BTBD8: variants seen among roughly 807,000 people sequenced by gnomAD.
BTBD8 encodes BTB/POZ domain-containing protein 8.
A neutral mutation model predicts 162.9 loss-of-function variants in BTBD8; 110 were observed. That is an observed-to-expected ratio of 0.68 (90% CI 0.58 to 0.79). The LOEUF is 0.79. Among genes scored for constraint, BTBD8 ranks in the 30% least tolerant of loss-of-function variants. BTBD8 has a pLI of 0.00. For synonymous variants in BTBD8, 667 were observed against 716.1 expected (o/e 0.93, Z 1.10); for missense variants, 1,905 against 2,085.4 (o/e 0.91, Z 1.68).
At chr1:92,154,778 A>C (rs890190722) in intron 9 of BTBD8, among the ~76,000 whole-genome samples, 26 of 152,064 alleles carry the variant, frequency 1.7e-4, no homozygotes, top group African/African-American at 6.0e-4. Flanking sequence ...TTTTAATTTG[A>C]TGTAGTTTCA....
chr1:92,180,054 T>C (rs1407131986), intron 16 of BTBD8, among the ~76,000 whole-genome samples: 1 of 152,132 alleles, frequency 6.6e-6, no homozygotes, highest in African/African-American at 2.4e-5. Context: ...CCTGGAGTAG[T>C]CCCTCTATAT....
chr1:92,182,660 A>C, intron 17 of BTBD8, 65 bp downstream of exon 17: 1 of 1,011,746 alleles, frequency 9.9e-7, no homozygotes, highest in Non-Finnish European at 1.4e-6. Flanking sequence ...TTAAAGTTGT[A>C]TGAAGCCCTG....
chr1:92,127,647 T>C (rs1018173766), intron 4 of BTBD8, among the ~76,000 whole-genome samples: 3 of 152,120 alleles, frequency 2.0e-5, no homozygotes, highest in Admixed American at 6.6e-5. Flanking sequence ...TGATCTCTGC[T>C]CACTGCAACC....
At chr1:92,162,326 C>T (rs1313814303) in intron 9 of BTBD8, among the ~76,000 whole-genome samples, 1 of 152,152 alleles carries the variant, frequency 6.6e-6, no homozygotes, top group African/African-American at 2.4e-5. Flanking sequence ...GCAAACCTGG[C>T]AGTGAAAGAG....
chr1:92,160,437 T>C (rs1227942328), intron 9 of BTBD8, among the ~76,000 whole-genome samples: 1 of 152,176 alleles, frequency 6.6e-6, no homozygotes, highest in Admixed American at 6.5e-5. Context: ...TCTGCACATT[T>C]CTGCCTACAG....
In BTBD8 at chr1:92,093,514, T is replaced by C. The variant is rs1389399350; in HGVS notation, c.347+4619T>C. ...GCCGAAATACCAATTTTAAAGTGTA[T>C]GCTTTTTTCTCCTAGTAGGTGATAG... is the stretch of plus-strand genomic sequence containing the variant. On this transcript the variant is annotated intron_variant, in intron 2 of 17. Coordinates refer to ENST00000636805, the MANE Select transcript of BTBD8 (RefSeq NM_001376131.1). Among the ~76,000 whole-genome samples the C allele has an allele frequency of 2.0e-5, 3 of 152,166 alleles. No individual in the cohort carries two copies. In the East Asian group the frequency reaches 5.8e-4, roughly 29 times the overall value.
chr1:92,162,450 C>A (rs1202923661), intron 9 of BTBD8, among the ~76,000 whole-genome samples: 1 of 152,220 alleles, frequency 6.6e-6, no homozygotes, highest in Non-Finnish European at 1.5e-5. Flanking sequence ...CATAGCTCTT[C>A]AGGAGGTCCC....
intron 7 of BTBD8, among the ~76,000 whole-genome samples, 174 bp from the exon 8 acceptor site, chr1:92,147,006 A>C (rs746367548): frequency 5.9e-5 from 9 of 152,240 alleles, no homozygotes; most frequent in Non-Finnish European, 1.3e-4. Flanking sequence ...GTACCAGCAG[A>C]AGTTAATTCC....
intron 9 of BTBD8, among the ~76,000 whole-genome samples, chr1:92,154,298 C>T (rs1490326107): frequency 6.6e-6 from 1 of 152,156 alleles, no homozygotes; most frequent in Non-Finnish European, 1.5e-5. Flanking sequence ...AACACAAATA[C>T]CCAGAAGTAG....
chr1:92,153,175 C>G (rs572737184), intron 9 of BTBD8, among the ~76,000 whole-genome samples: 33 of 151,862 alleles, frequency 2.2e-4, no homozygotes, highest in Non-Finnish European at 2.4e-4. Context: ...ACATTTGACA[C>G]TAACTTAAAA....
intron 9 of BTBD8, among the ~76,000 whole-genome samples, chr1:92,152,502 G>A (rs1650068402): frequency 6.6e-6 from 1 of 152,124 alleles, no homozygotes; most frequent in Non-Finnish European, 1.5e-5. Context: ...AAAATAAGTA[G>A]GTTAGGGCAT....
Position 92,182,151 on chromosome 1 carries a change from C to A in BTBD8, c.4468C>A (p.Arg1490=). ...AAGGACCTGCTATTCCAGATTCTCA[C>A]GAGAAAGTGAAGATAATATTTTAGA... The part of the protein sequence containing the change: ...HGRTCYSRFS[R]ESEDNILECK... The change falls in exon 17 of 18, where the codon CGA becomes AGA. Residue 1490 remains arginine, a synonymous_variant. Coordinates refer to ENST00000636805, the MANE Select transcript of BTBD8 (RefSeq NM_001376131.1). 6.4e-7 allele frequency: 1 copy of A among 1,550,534 alleles called. No homozygotes were observed. The highest frequency in any genetic ancestry group is 2.4e-5 in the East Asian group (1 of 40,896).
chr1:92,136,767 T>C (rs376772531), intron 5 of BTBD8, among the ~76,000 whole-genome samples: 16 of 152,234 alleles, frequency 1.1e-4, no homozygotes, highest in African/African-American at 3.9e-4. Context: ...TGCATTTTGA[T>C]CTTGGGCAAT....
At position 92,116,988 on chromosome 1, in the gene BTBD8, G is replaced by A. The variant is rs555241149; in HGVS notation, c.662+8987G>A. Among the ~76,000 whole-genome samples the A allele has an allele frequency of 2.0e-5, 3 of 151,628 alleles. No individual in the cohort carries two copies. The South Asian group carries it at 6.2e-4, about 32-fold the overall frequency. On this transcript the variant is annotated intron_variant, in intron 4 of 17. Transcript: ENST00000636805. ...CTCAGCCTCCTGAGTAGCTGGGACT[G>A]CAGGCATTTGCCATCATACTCAGCT...
At chr1:92,157,955 T>G (rs1379722518) in intron 9 of BTBD8, among the ~76,000 whole-genome samples, 1 of 152,228 alleles carries the variant, frequency 6.6e-6, no homozygotes, top group Non-Finnish European at 1.5e-5. Context: ...TTGTTGTATC[T>G]TCCTATCTTC....
rs185088118 is a variant in BTBD8 at position 92,119,879 on chromosome 1, C to T, written c.663-9808C>T. ...GAGGGATTACAGGCGTGAGCCACTG[C>T]ACCCGGCCCTTTTCTTTTTTTTTTT... On this transcript the variant is annotated intron_variant, in intron 4 of 17. Coordinates refer to ENST00000636805, the MANE Select transcript of BTBD8 (RefSeq NM_001376131.1). Among the ~76,000 whole-genome samples the T allele has an allele frequency of 2.6e-3, 344 of 134,436 alleles. 1 individual carries two copies. Among genetic ancestry groups the T allele is most frequent in the Middle Eastern group, 0.017 (3 of 174 alleles). The allele number at this position is 134,436 out of a possible 152,430, so 88.2% of individuals were successfully genotyped here.
At chr1:92,120,406 C>G (rs1649178865) in intron 4 of BTBD8, among the ~76,000 whole-genome samples, 1 of 152,098 alleles carries the variant, frequency 6.6e-6, no homozygotes, top group Admixed American at 6.5e-5. Flanking sequence ...TGGAATACCT[C>G]CTGAAAGACC....
chr1:92,089,336 C>T lies in BTBD8; in HGVS notation c.347+441C>T, dbSNP rs61781593. ...ATGTCTCCAGACATTGCCAGATGTC[C>T]TCTGGAGGTCCTAATTGCCCCCTCT... On this transcript the variant is annotated intron_variant, in intron 2 of 17. Coordinates refer to ENST00000636805, the MANE Select transcript of BTBD8 (RefSeq NM_001376131.1). Among the ~76,000 whole-genome samples, 717 of 152,200 alleles carry T rather than the reference C, an allele frequency of 4.7e-3. 5 individuals carry two copies. Among genetic ancestry groups the T allele is most frequent in the Admixed American group, 6.5e-3 (100 of 15,294 alleles).
intron 5 of BTBD8, among the ~76,000 whole-genome samples, chr1:92,136,325 A>G (rs1450961431): frequency 6.7e-6 from 1 of 149,970 alleles, no homozygotes; most frequent in Non-Finnish European, 1.5e-5. Flanking sequence ...GCTTTCTGGG[A>G]CTCCACTTAT....
Sources: gnomAD v4.1 joint callset for allele counts (sites outside exome capture counted in the v4.1 genomes callset) on GRCh38, gnomAD v4.1.1 for gene constraint, MANE v1.5 for transcripts, NCBI Gene and HGNC (gene_info 2026-07-23, HGNC 2026-07-21) for gene names.